Variants in TDP1 observed in about 807,000 individuals in gnomAD.
TDP1 encodes tyrosyl-DNA phosphodiesterase 1, also known as tyr-DNA phosphodiesterase 1.
TDP1 carries 64 observed loss-of-function variants against 81.5 expected under a neutral mutation model. The observed-to-expected ratio is 0.79, with a 90% CI of 0.64 to 0.97. TDP1 has a LOEUF of 0.97. Among genes scored for constraint, TDP1 ranks in the 50% least tolerant of loss-of-function variants. The pLI, the probability that TDP1 is intolerant of heterozygous loss-of-function variation, is 0.00. For synonymous variants in TDP1, 256 were observed against 264.3 expected (o/e 0.97, Z 0.30); for missense variants, 723 against 743.8 (o/e 0.97, Z 0.33).
rs533473705 is a variant in TDP1, at chr14:90,031,006, C to G, written c.1645-2100C>G. Among the ~76,000 whole-genome samples, 78 of 152,150 alleles carry G rather than the reference C, an allele frequency of 5.1e-4. 1 individual carries two copies. Among genetic ancestry groups the G allele is most frequent in the Non-Finnish European group, 9.3e-4 (63 of 68,006 alleles). Reference sequence around the variant, plus strand: ...TAGGCTGGTCTTGAACTCCGGACCTCAAGTGATCTGCCTGCCTCGGCCTCC... The same window carrying G: ...TAGGCTGGTCTTGAACTCCGGACCTGAAGTGATCTGCCTGCCTCGGCCTCC... On this transcript the variant is annotated intron_variant, in intron 15 of 16. Coordinates refer to ENST00000335725, the MANE Select transcript of TDP1 (RefSeq NM_018319.4).
At chr14:90,026,651 AC>A (rs1886694241) in intron 15 of TDP1, among the ~76,000 whole-genome samples, 1 of 148,470 alleles carries the variant, frequency 6.7e-6, no homozygotes, top group Non-Finnish European at 1.5e-5. Context: ...GGTGTTCCCC[AC>A]CCTGTGTCCA....
intron 14 of TDP1, among the ~76,000 whole-genome samples, chr14:90,002,822 A>T (rs1218139616): frequency 1.3e-5 from 2 of 152,222 alleles, no homozygotes; most frequent in African/African-American, 4.8e-5. Context: ...GCAGTGAGTC[A>T]TGATGGCACC....
At chr14:89,983,859 A>G (rs1413967632) in intron 8 of TDP1, among the ~76,000 whole-genome samples, 1 of 152,236 alleles carries the variant, frequency 6.6e-6, no homozygotes, top group Non-Finnish European at 1.5e-5. Flanking sequence ...AGATGTCTGT[A>G]ATGCTTCTTC....
intron 10 of TDP1, 183 bp from the exon 11 acceptor site, chr14:89,988,722 T>G (rs1282308527): frequency 1.0e-5 from 10 of 981,878 alleles, no homozygotes; most frequent in Non-Finnish European, 1.2e-5. Context: ...AATATGTTTT[T>G]AGTATTTAAA....
chr14:89,975,266 CG>C lies in TDP1; in HGVS notation c.757-511del, dbSNP rs200528880. 640 of 248,216 alleles carry C rather than the reference CG, an allele frequency of 2.6e-3. 6 individuals are homozygous for C. Among genetic ancestry groups the C allele is most frequent in the African/African-American group, 0.014 (602 of 43,278 alleles). 15.4% of individuals were successfully genotyped at this position (248,216 alleles called of 1,614,324 possible). ...AATTTTTTCATATTTTTAGTAGAAA[CG>C]GGGTTCCACTGCGTTAGCCAGGATG... On this transcript the variant is annotated intron_variant, in intron 6 of 16. Coordinates refer to ENST00000335725, the MANE Select transcript of TDP1 (RefSeq NM_018319.4).
intron 14 of TDP1, among the ~76,000 whole-genome samples, chr14:89,995,560 A>G (rs1896590355): frequency 1.3e-5 from 2 of 152,254 alleles, no homozygotes. Flanking sequence ...CTTAAATAAC[A>G]ACTTAGATAC....
intron 14 of TDP1, among the ~76,000 whole-genome samples, chr14:90,001,648 A>C (rs8005676): frequency 0.15 from 23,376 of 152,108 alleles, 3,932 homozygotes; most frequent in African/African-American, 0.42. Context: ...CTTAATCTAA[A>C]TGCAGTTTAT....
chr14:89,984,000 G>C (rs748241563), intron 8 of TDP1: 35 of 477,168 alleles, frequency 7.3e-5, no homozygotes, highest in Non-Finnish European at 9.3e-5. Context: ...AAATGGGTTT[G>C]TTAATTGAAA....
At chr14:90,014,953 C>G (rs777487827) in intron 14 of TDP1, among the ~76,000 whole-genome samples, 1 of 152,214 alleles carries the variant, frequency 6.6e-6, no homozygotes, top group African/African-American at 2.4e-5. Context: ...GAACATCCAA[C>G]AAGTACTCCA....
chr14:89,994,605 G>A (rs922037258), intron 14 of TDP1, among the ~76,000 whole-genome samples: 29 of 152,320 alleles, frequency 1.9e-4, no homozygotes, highest in African/African-American at 7.0e-4. Flanking sequence ...ATGGCAGTGT[G>A]TGCTTGACTG....
intron 7 of TDP1, among the ~76,000 whole-genome samples, chr14:89,978,634 T>C (rs1240921558): frequency 2.0e-5 from 3 of 152,258 alleles, no homozygotes; most frequent in Non-Finnish European, 4.4e-5. Flanking sequence ...ATATGGCTAC[T>C]CTCAAGTTCA....
chr14:90,005,722 T>G (rs1456329581), intron 14 of TDP1, among the ~76,000 whole-genome samples: 1 of 152,250 alleles, frequency 6.6e-6, no homozygotes, highest in African/African-American at 2.4e-5. Context: ...CTTGTATTTA[T>G]TGCCTTTCCA....
chr14:90,019,588 AC>A (rs1323273605), intron 15 of TDP1, among the ~76,000 whole-genome samples, 170 bp downstream of exon 15: 6 of 152,068 alleles, frequency 3.9e-5, no homozygotes, highest in Admixed American at 3.3e-4. Context: ...CTTACTGAAC[AC>A]TCACCAGTCT....
chr14:90,043,504 G>T lies in TDP1; in HGVS notation c.*361G>T. 1 of 341,546 alleles carries T rather than the reference G, an allele frequency of 2.9e-6. No individual in the cohort carries two copies. Among genetic ancestry groups the T allele is most frequent in the South Asian group, 3.2e-5 (1 of 31,282 alleles). The allele number at this position is 341,546 out of a possible 1,614,324, so 21.2% of individuals were successfully genotyped here. On this transcript the variant is annotated 3_prime_UTR_variant, in exon 17 of 17. Transcript: ENST00000335725. ...TTGCATAGCATAATGAGATATCTTG[G>T]GAATGGGACCCAAATCTAAACACAA...
intron 6 of TDP1, among the ~76,000 whole-genome samples, chr14:89,973,701 G>C (rs1893915421): frequency 6.6e-6 from 1 of 152,122 alleles, no homozygotes; most frequent in Non-Finnish European, 1.5e-5. Flanking sequence ...CCTGGGCTCA[G>C]TCCCGGCTCT....
chr14:89,975,664 G>A lies in TDP1; in HGVS notation c.757-117G>A, dbSNP rs183273552. ...GTTATTCAAGGGCTTGCCTGGTAGA[G>A]ATCAGTAAAAATAGTTTTAAAAAAA... is the stretch of plus-strand genomic sequence containing the variant. On this transcript the variant is annotated intron_variant, in intron 6 of 16. Transcript: ENST00000335725. 5.0e-5 allele frequency: 51 copies of A among 1,024,990 alleles called. No homozygotes were observed. The African/African-American group carries it at 7.6e-4, about 15-fold the overall frequency. 63.5% of individuals were successfully genotyped at this position (1,024,990 alleles called of 1,614,324 possible).
chr14:89,980,483 G>A, intron 7 of TDP1, 57 bp from the exon 8 acceptor site: 1 of 1,522,292 alleles, frequency 6.6e-7, no homozygotes, highest in East Asian at 2.3e-5. Flanking sequence ...CATTGGAAAG[G>A]TATTACATAT....
In TDP1 at chr14:89,969,876, C is replaced by T. The variant is rs200454445; in HGVS notation, c.660-1299C>T. On this transcript the variant is annotated intron_variant, in intron 5 of 16. Transcript: ENST00000335725. ...AGAGCTTGTAGAAATATACTTATTT[C>T]TTTTTTTTTTTTTTTTTTGAGGCGG... Among the ~76,000 whole-genome samples the T allele has an allele frequency of 2.4e-3, 290 of 122,784 alleles. 2 individuals carry two copies. The highest frequency in any genetic ancestry group is 3.6e-3 in the Non-Finnish European group (222 of 61,876). The allele number at this position is 122,784 out of a possible 152,430, so 80.6% of individuals were successfully genotyped here.
At chr14:89,967,191 T>A (rs1893040600) in intron 4 of TDP1, 176 bp from the exon 5 acceptor site, 1 of 882,460 alleles carries the variant, frequency 1.1e-6, no homozygotes, top group South Asian at 5.2e-5. Context: ...AACCATGCAT[T>A]TAAGATAAAT....
Sources: allele counts gnomAD v4.1 joint callset (sites outside exome capture counted in the v4.1 genomes callset), GRCh38; gene constraint gnomAD v4.1.1; transcripts MANE v1.5; gene names NCBI Gene and HGNC (gene_info 2026-07-23, HGNC 2026-07-21).